ZBTB48: variants seen among roughly 807,000 people sequenced by gnomAD.
ZBTB48 encodes the protein zinc finger and BTB domain containing 48.
In ZBTB48, 35 loss-of-function variants were observed where a neutral mutation model predicts 64.5. That is an observed-to-expected ratio of 0.54 (90% CI 0.41 to 0.72). The LOEUF (loss-of-function observed/expected upper bound fraction) is 0.72, where lower values mean the gene tolerates loss of function less well. ZBTB48 is among the 30% of genes least tolerant of loss of function. ZBTB48 has a pLI of 0.00. For synonymous variants in ZBTB48, 442 were observed against 356.7 expected (o/e 1.24, Z -2.70); for missense variants, 828 against 895.3 (o/e 0.92, Z 0.96).
intron 3 of ZBTB48, 84 bp from the exon 4 acceptor site, chr1:6,585,835 T>C (rs553051855): frequency 4.5e-6 from 6 of 1,346,594 alleles, no homozygotes; most frequent in East Asian, 2.3e-5. Flanking sequence ...TTGTTCCCCT[T>C]AGAAGGGACC....
Position 6,582,237 on chromosome 1 carries a change from G to A in ZBTB48, c.870G>A (p.Pro290=), listed in dbSNP as rs372237053. Reference sequence around the variant, plus strand: ...AGAACAGAAAAGGTACAGCGGTGCCGGTCGAATGCCCCACATGTCATAAAA... The same window carrying A: ...AGAACAGAAAAGGTACAGCGGTGCCAGTCGAATGCCCCACATGTCATAAAA... The part of the protein sequence containing the change: ...PAENRKGTAV[P]VECPTCHKKF... The change falls in exon 3 of 11, where the codon CCG becomes CCA. Residue 290 remains proline, a synonymous_variant. Transcript: ENST00000377674. The A allele has an allele frequency of 2.1e-5, 34 of 1,614,008 alleles. No individual in the cohort carries two copies. The highest frequency in any genetic ancestry group is 1.9e-4 in the African/African-American group (14 of 74,934).
chr1:6,587,727 T>G (rs1427050820), intron 7 of ZBTB48, 95 bp downstream of exon 7: 9 of 1,539,870 alleles, frequency 5.8e-6, no homozygotes, highest in Non-Finnish European at 7.8e-6. Flanking sequence ...TTTACACAGA[T>G]GAGTGTGCCC....
At position 6,580,601 on chromosome 1, in the gene ZBTB48, C is replaced by T. The variant is rs2229329; in HGVS notation, c.-9C>T. 5,546 of 1,604,566 alleles carry T rather than the reference C, an allele frequency of 3.5e-3. 177 individuals carry two copies. In the African/African-American group the frequency reaches 0.065, roughly 19 times the overall value. On this transcript the variant is annotated 5_prime_UTR_variant, in exon 2 of 11. Coordinates refer to ENST00000377674, the MANE Select transcript of ZBTB48 (RefSeq NM_005341.4). This position sits in a 1 kb window ranked among gnomAD's most constrained non-coding sequence, Gnocchi z 5.2. ...GGGGTGTCACTTCTGCCTCCCTGCC[C>T]TCCAGACCATGGACGGCTCCTTCGT...
At chr1:6,588,595 G>A (rs2148696574) in intron 9 of ZBTB48, 153 bp downstream of exon 9, 2 of 1,446,594 alleles carry the variant, frequency 1.4e-6, no homozygotes, top group East Asian at 2.5e-5. Flanking sequence ...GGTGTCCTGT[G>A]CAGTAGTGAC....
chr1:6,588,912 C>G lies in ZBTB48; in HGVS notation c.1771-4C>G, dbSNP rs759723665. ...CAAAGTTCTGAGCTCACCCTCCCCG[C>G]CAGGCCCACCTGCGGAGGCACATGG... On this transcript the variant is annotated splice_polypyrimidine_tract_variant and splice_region_variant and intron_variant, in intron 10 of 10. Coordinates refer to ENST00000377674, the MANE Select transcript of ZBTB48 (RefSeq NM_005341.4). The G allele has an allele frequency of 6.2e-7, 1 of 1,613,518 alleles. No individual in the cohort carries two copies. The highest frequency in any genetic ancestry group is 1.7e-5 in the Admixed American group (1 of 60,002).
rs190790487 is a variant in ZBTB48 at position 6,587,691 on chromosome 1, G to A, written c.1379+59G>A. 2.8e-4 allele frequency: 444 copies of A among 1,598,772 alleles called. 2 individuals are homozygous for A. In the East Asian group the frequency reaches 7.6e-3, roughly 27 times the overall value. The stretch of plus-strand genomic sequence containing the variant: ...CCTGCTGCCAGCCCAGGCTTGCACC[G>A]GCAGGGAAGACAGAGTTTGCTGACT... On this transcript the variant is annotated intron_variant, in intron 7 of 10. Transcript: ENST00000377674.
At chr1:6,585,799 A>G in intron 3 of ZBTB48, 120 bp from the exon 4 acceptor site, 4 of 923,448 alleles carry the variant, frequency 4.3e-6, no homozygotes, top group Non-Finnish European at 6.9e-6. Flanking sequence ...CCTGCACCTT[A>G]ACCAGCCGGT....
At chr1:6,586,067 C>T in intron 4 of ZBTB48, 37 bp downstream of exon 4, 2 of 1,597,058 alleles carry the variant, frequency 1.3e-6, no homozygotes, top group East Asian at 4.5e-5. Context: ...GTGGGCAGGG[C>T]ACACTGGCCT....
At chr1:6,586,167 C>A in intron 4 of ZBTB48, 137 bp downstream of exon 4, 1 of 811,820 alleles carries the variant, frequency 1.2e-6, no homozygotes, top group Non-Finnish European at 2.0e-6. Context: ...CCTTGGATGT[C>A]ATGAGGTCCA....
chr1:6,580,579 G>A lies in ZBTB48; in HGVS notation c.-31G>A, dbSNP rs762776833. On this transcript the variant is annotated 5_prime_UTR_variant, in exon 2 of 11. In the 5' UTR this introduces an upstream ATG that the reference lacks. Transcript: ENST00000377674. The surrounding 1 kb of genome is among the most constrained non-coding windows in gnomAD (Gnocchi z 5.2). ...CATACCCTCGCTTAGGCTGGCCGGG[G>A]TGTCACTTCTGCCTCCCTGCCCTCC... The A allele has an allele frequency of 1.3e-6, 2 of 1,588,306 alleles. No homozygotes were observed. The highest frequency in any genetic ancestry group is 1.7e-6 in the Non-Finnish European group (2 of 1,164,476).
In ZBTB48 at chr1:6,584,542, G is replaced by A. The variant is rs1640591779; in HGVS notation, c.933-1377G>A. Among the ~76,000 whole-genome samples the A allele has an allele frequency of 6.6e-6, 1 of 152,248 alleles. No individual in the cohort carries two copies. Among genetic ancestry groups the A allele is most frequent in the South Asian group, 2.1e-4 (1 of 4,832 alleles). ...AATCACCTAGAATGGGAGCCAGGGGGAAACCCGTTCGCTGTCCCTGTGCAC... is the reference window on the plus strand; with the variant it reads ...AATCACCTAGAATGGGAGCCAGGGGAAAACCCGTTCGCTGTCCCTGTGCAC... On this transcript the variant is annotated intron_variant, in intron 3 of 10. Coordinates refer to ENST00000377674, the MANE Select transcript of ZBTB48 (RefSeq NM_005341.4). This position sits in a 1 kb window ranked among gnomAD's most constrained non-coding sequence, Gnocchi z 4.5.
chr1:6,586,228 T>C (rs1377503167), intron 4 of ZBTB48, 198 bp downstream of exon 4: 2 of 615,378 alleles, frequency 3.3e-6, no homozygotes, highest in Admixed American at 2.8e-5. Flanking sequence ...GGGACAGGCA[T>C]AGGAGGGACT....
At position 6,588,389 on chromosome 1, in the gene ZBTB48, G is replaced by C; in HGVS notation, c.1628G>C (p.Arg543Pro). Residue 543 changes from arginine to proline, a missense_variant, in exon 9 of 11, where the codon CGC (arginine) becomes CCC (proline). Coordinates refer to ENST00000377674, the MANE Select transcript of ZBTB48 (RefSeq NM_005341.4). ...CCCCTCCTGAGGCACGTGGCCAGCC[G>C]CCATCAGGAGGGCCGGCCCCACTTC... is the stretch of plus-strand genomic sequence containing the variant. The part of the protein sequence containing the change: ...KGPLLRHVAS[R>P]HQEGRPHFCQ... 1 of 1,587,546 alleles carries C rather than the reference G, an allele frequency of 6.3e-7. No individual in the cohort carries two copies. The highest frequency in any genetic ancestry group is 8.6e-7 in the Non-Finnish European group (1 of 1,163,536).
chr1:6,588,539 T>C lies in ZBTB48; in HGVS notation c.1681+97T>C. On this transcript the variant is annotated intron_variant, in intron 9 of 10. Coordinates refer to ENST00000377674, the MANE Select transcript of ZBTB48 (RefSeq NM_005341.4). ...CTTTCTTGCCTGTGAACCTCTTTTGTGCCCCACATGGTTAGAGTTGAGAGT... is the reference window on the plus strand; with the variant it reads ...CTTTCTTGCCTGTGAACCTCTTTTGCGCCCCACATGGTTAGAGTTGAGAGT... 8 of 1,449,398 alleles carry C rather than the reference T, an allele frequency of 5.5e-6. No individual in the cohort carries two copies. The South Asian group carries it at 8.8e-5, about 16-fold the overall frequency. The allele number at this position is 1,449,398 out of a possible 1,614,324, so 89.8% of individuals were successfully genotyped here.
chr1:6,587,774 CTG>C, intron 7 of ZBTB48, 142 bp downstream of exon 7: 2 of 1,402,138 alleles, frequency 1.4e-6, no homozygotes, highest in Non-Finnish European at 1.9e-6. Context: ...TACAGCCTCT[CTG>C]GGATAGTGGG....
At position 6,588,413 on chromosome 1, in the gene ZBTB48, T is replaced by C; in HGVS notation, c.1652T>C (p.Phe551Ser). ...ASRHQEGRPHFCQICGKTFKA... is the reference protein window; with the variant it reads ...ASRHQEGRPHSCQICGKTFKA... ...CGCCATCAGGAGGGCCGGCCCCACTTCTGCCAGATATGCGGCAAGACCTTC... is the reference window on the plus strand; with the variant it reads ...CGCCATCAGGAGGGCCGGCCCCACTCCTGCCAGATATGCGGCAAGACCTTC... Residue 551 changes from phenylalanine to serine, a missense_variant, in exon 9 of 11, where the codon TTC (phenylalanine) becomes TCC (serine). Transcript: ENST00000377674. 6.4e-7 allele frequency: 1 copy of C among 1,565,572 alleles called. No homozygotes were observed.
Position 6,586,718 on chromosome 1 carries a change from G to A in ZBTB48, c.1068G>A (p.Gln356=). The part of the protein sequence containing the change: ...SEQVFTCSVC[Q]ETFRRRMELR... ...AGGTCTTCACGTGCTCTGTGTGCCA[G>A]GAGACATTCCGCCGAAGGATGGAGC... The change falls in exon 5 of 11, where the codon CAG becomes CAA. Residue 356 remains glutamine, a synonymous_variant. Coordinates refer to ENST00000377674, the MANE Select transcript of ZBTB48 (RefSeq NM_005341.4). The A allele has an allele frequency of 3.2e-6, 5 of 1,572,670 alleles. No homozygotes were observed. Among genetic ancestry groups the A allele is most frequent in the Non-Finnish European group, 4.3e-6 (5 of 1,158,040 alleles).
chr1:6,581,780 G>T (rs898794919), intron 2 of ZBTB48, among the ~76,000 whole-genome samples: 1 of 152,218 alleles, frequency 6.6e-6, no homozygotes, highest in Non-Finnish European at 1.5e-5. Context: ...AGCCCCAGCT[G>T]TTCACGGTTG....
Position 6,588,383 on chromosome 1 carries a change from C to T in ZBTB48, c.1622C>T (p.Ala541Val). ...AAGGGGCCCCTCCTGAGGCACGTGG[C>T]CAGCCGCCATCAGGAGGGCCGGCCC... ...TEKGPLLRHVASRHQEGRPHF... is the reference protein window; with the variant it reads ...TEKGPLLRHVVSRHQEGRPHF... Residue 541 changes from alanine to valine, a missense_variant, in exon 9 of 11, where the codon GCC becomes GTC. Ala to Val is a moderately conservative substitution (Grantham distance 64). Coordinates refer to ENST00000377674, the MANE Select transcript of ZBTB48 (RefSeq NM_005341.4). The T allele has an allele frequency of 6.3e-7, 1 of 1,593,774 alleles. No individual in the cohort carries two copies. The highest frequency in any genetic ancestry group is 1.1e-5 in the South Asian group (1 of 89,926).
Sources: gnomAD v4.1 joint callset for allele counts (sites outside exome capture counted in the v4.1 genomes callset) on GRCh38, gnomAD v4.1.1 for gene constraint, Gnocchi (gnomAD v3.1) non-coding constraint, MANE v1.5 for transcripts, NCBI Gene and HGNC (gene_info 2026-07-23, HGNC 2026-07-21) for gene names.